The following TENM2 variants were observed in gnomAD, a reference collection of about 807,000 sequenced individuals.
TENM2 encodes teneurin-2.
A neutral mutation model predicts 245.2 loss-of-function variants in TENM2; 52 were observed. That is an observed-to-expected ratio of 0.21 (90% CI 0.17 to 0.27). TENM2 has a LOEUF of 0.27. Among genes scored for constraint, TENM2 ranks in the 10% least tolerant of loss-of-function variants. The pLI is 1.00. For synonymous variants in TENM2, 1,363 were observed against 1,438.9 expected (o/e 0.95, Z 1.19); for missense variants, 3,046 against 3,666.8 (o/e 0.83, Z 4.37).
chr5:168,173,503 G>A (rs1316258917), intron 13 of TENM2, among the ~76,000 whole-genome samples: 1 of 151,974 alleles, frequency 6.6e-6, no homozygotes, highest in African/African-American at 2.4e-5. Context: ...CGCCCCCTCA[G>A]CCCCTCATTC....
chr5:168,065,157 T>C (rs1424237187), intron 7 of TENM2, among the ~76,000 whole-genome samples: 2 of 152,208 alleles, frequency 1.3e-5, no homozygotes, highest in African/African-American at 4.8e-5. Flanking sequence ...TGAAATTCTA[T>C]TGGCTGTGCT....
intron 7 of TENM2, among the ~76,000 whole-genome samples, chr5:168,069,845 G>A (rs1456592685): frequency 6.6e-6 from 1 of 152,138 alleles, no homozygotes; most frequent in Non-Finnish European, 1.5e-5. Context: ...GGAGAATGGT[G>A]GTGGGGATCT....
chr5:167,783,752 AC>A (rs1273283460), intron 2 of TENM2, among the ~76,000 whole-genome samples: 3 of 152,096 alleles, frequency 2.0e-5, no homozygotes, highest in African/African-American at 7.2e-5. Context: ...TTCTTTGCCT[AC>A]CAGCAAATCG....
chr5:167,682,916 G>C (rs564195187), intron 2 of TENM2, among the ~76,000 whole-genome samples: 4 of 152,162 alleles, frequency 2.6e-5, no homozygotes, highest in African/African-American at 4.8e-5. Flanking sequence ...TTTGTCCTTT[G>C]TTGTTTTATT....
chr5:167,797,544 TAGC>T (rs1765407506), intron 2 of TENM2, among the ~76,000 whole-genome samples: 1 of 152,226 alleles, frequency 6.6e-6, no homozygotes, highest in South Asian at 2.1e-4. Context: ...GTGGGGCTAA[TAGC>T]AGCACTATTG....
intron 12 of TENM2, among the ~76,000 whole-genome samples, chr5:168,142,483 A>G (rs1755643583): frequency 6.6e-6 from 1 of 152,264 alleles, no homozygotes; most frequent in Non-Finnish European, 1.5e-5. Context: ...TTATAAAGTT[A>G]TGTCTTTTAG....
At chr5:167,346,757 G>C (rs1014654176) in intron 1 of TENM2, among the ~76,000 whole-genome samples, 1 of 152,024 alleles carries the variant, frequency 6.6e-6, no homozygotes, top group Non-Finnish European at 1.5e-5. Context: ...ATTTGTGCCA[G>C]TTCTCCAAGC....
chr5:167,130,590 C>G, the TENM2 span, among the ~76,000 whole-genome samples: 1 of 152,182 alleles, frequency 6.6e-6, no homozygotes, highest in Non-Finnish European at 1.5e-5. Context: ...AGTTTCCCAT[C>G]CGAAGAGCCC....
chr5:167,194,688 C>A, the TENM2 span, among the ~76,000 whole-genome samples: 1 of 151,944 alleles, frequency 6.6e-6, no homozygotes, highest in Admixed American at 6.6e-5. Flanking sequence ...CCTGGACAAA[C>A]CCATTTTAGC....
At chr5:167,387,331 G>A (rs1761497293) in intron 2 of TENM2, among the ~76,000 whole-genome samples, 1 of 152,048 alleles carries the variant, frequency 6.6e-6, no homozygotes, top group Admixed American at 6.6e-5. Flanking sequence ...GTCACTGTCG[G>A]TGTATAGAAG....
At chr5:167,377,665 A>G (rs1409473668) in intron 2 of TENM2, among the ~76,000 whole-genome samples, 1 of 152,228 alleles carries the variant, frequency 6.6e-6, no homozygotes, top group Non-Finnish European at 1.5e-5. Flanking sequence ...CTCTGCAGGC[A>G]GAGGTGTTAA....
chr5:167,804,756 C>T (rs1390039005), intron 2 of TENM2, among the ~76,000 whole-genome samples: 3 of 151,950 alleles, frequency 2.0e-5, no homozygotes, highest in Non-Finnish European at 4.4e-5. Flanking sequence ...CACGGCATGG[C>T]GATCAAGGGA....
chr5:168,032,086 C>T (rs949271973), intron 5 of TENM2, among the ~76,000 whole-genome samples: 3 of 152,142 alleles, frequency 2.0e-5, no homozygotes, highest in Non-Finnish European at 4.4e-5. Context: ...GAGCCAGAGT[C>T]CCCAAGTTCA....
chr5:167,878,988 A>T (rs575806943), intron 3 of TENM2, among the ~76,000 whole-genome samples: 1 of 152,182 alleles, frequency 6.6e-6, no homozygotes, highest in Non-Finnish European at 1.5e-5. Context: ...ACAGTAAAAC[A>T]TTATTTCCTG....
At chr5:167,273,067 C>G in the TENM2 span, among the ~76,000 whole-genome samples, 1 of 152,098 alleles carries the variant, frequency 6.6e-6, no homozygotes, top group Non-Finnish European at 1.5e-5. Context: ...ATTAACAAGT[C>G]AACCCCCTTA....
At chr5:166,980,729 T>G in the TENM2 span, among the ~76,000 whole-genome samples, 1 of 152,162 alleles carries the variant, frequency 6.6e-6, no homozygotes, top group Non-Finnish European at 1.5e-5. Flanking sequence ...GCAGCTTAAA[T>G]GGAGGAAGGG....
At chr5:167,304,919 C>T (rs1179761269) in intron 1 of TENM2, among the ~76,000 whole-genome samples, 2 of 152,166 alleles carry the variant, frequency 1.3e-5, no homozygotes, top group Admixed American at 1.3e-4. Flanking sequence ...CAGTGCCTCA[C>T]TCATCTTTCT....
intron 2 of TENM2, among the ~76,000 whole-genome samples, chr5:167,686,937 G>A (rs1264674518): frequency 7.2e-5 from 11 of 152,120 alleles, no homozygotes; most frequent in Admixed American, 7.2e-4. Flanking sequence ...AGGAGAGAGG[G>A]AGGAGCATCG....
the TENM2 span, among the ~76,000 whole-genome samples, chr5:167,180,974 A>G: frequency 6.6e-6 from 1 of 151,862 alleles, no homozygotes; most frequent in Non-Finnish European, 1.5e-5. Context: ...CAAAAACCAA[A>G]AACAATCCAC....
Sources: gnomAD v4.1 joint callset for allele counts (sites outside exome capture counted in the v4.1 genomes callset) on GRCh38, gnomAD v4.1.1 for gene constraint, MANE v1.5 for transcripts, NCBI Gene and HGNC (gene_info 2026-07-23, HGNC 2026-07-21) for gene names.